The following EYA2 variants were observed in gnomAD, a reference collection of about 807,000 sequenced individuals.
EYA2 encodes protein phosphatase EYA2.
A neutral mutation model predicts 69.2 loss-of-function variants in EYA2; 31 were observed. That is an observed-to-expected ratio of 0.45 (90% CI 0.34 to 0.60). The LOEUF is 0.60. Ranked by LOEUF, EYA2 falls within the 20% of genes least tolerant of loss-of-function variation. The pLI, the probability that EYA2 is intolerant of heterozygous loss-of-function variation, is 0.02. For synonymous variants in EYA2, 257 were observed against 279.4 expected (o/e 0.92, Z 0.80); for missense variants, 622 against 701.2 (o/e 0.89, Z 1.28).
intron 1 of EYA2, among the ~76,000 whole-genome samples, chr20:46,957,529 TCACACACACACA>T (rs74176892): frequency 3.5e-4 from 7 of 20,000 alleles, no homozygotes; most frequent in African/African-American, 8.3e-4. Context: ...GAAGGAGATT[TCACACACACACA>T]CACACACACA....
At chr20:47,165,771 C>T (rs1458859592) in intron 10 of EYA2, among the ~76,000 whole-genome samples, 1 of 152,144 alleles carries the variant, frequency 6.6e-6, no homozygotes, top group Non-Finnish European at 1.5e-5. Flanking sequence ...GACCAGCAGC[C>T]ACACTACCCC....
intron 5 of EYA2, among the ~76,000 whole-genome samples, chr20:47,069,557 A>G (rs2031236061): frequency 6.6e-6 from 1 of 152,200 alleles, no homozygotes; most frequent in Admixed American, 6.6e-5. Context: ...TAGATAAATC[A>G]GTGAAACAGA....
chr20:47,158,571 G>A (rs528651745), intron 10 of EYA2, among the ~76,000 whole-genome samples: 8 of 151,546 alleles, frequency 5.3e-5, no homozygotes, highest in African/African-American at 9.7e-5. Flanking sequence ...GCCCAGGAAC[G>A]ATGACACCCT....
chr20:46,925,755 T>C (rs915752075), intron 1 of EYA2, among the ~76,000 whole-genome samples: 1 of 152,236 alleles, frequency 6.6e-6, no homozygotes, highest in South Asian at 2.1e-4. Flanking sequence ...GAGGGCAGAT[T>C]GGCGTGGCCC....
Position 46,987,960 on chromosome 20 carries a change from CTCTCTATATATA to C in EYA2, c.-10-2039_-10-2028del, listed in dbSNP as rs1337947599. On this transcript the variant is annotated intron_variant, in intron 1 of 15. Coordinates refer to ENST00000327619, the MANE Select transcript of EYA2 (RefSeq NM_005244.5). ...TCTCTCTCTCTCTCTCTCTCTCTCT[CTCTCTATATATA>C]TATATATATATATATATATATATAT... is the stretch of plus-strand genomic sequence containing the variant. 4.2e-4 allele frequency among the ~76,000 whole-genome samples: 10 copies of C among 24,082 alleles called. No individual in the cohort carries two copies. The East Asian group carries it at 7.2e-3, about 17-fold the overall frequency. The allele number at this position is 24,082 out of a possible 152,430, so 15.8% of individuals were successfully genotyped here. A position where few individuals can be genotyped will look rare whatever the true frequency, so the allele number is the denominator to read the frequency against.
chr20:47,170,832 A>T (rs1196887769), intron 11 of EYA2, among the ~76,000 whole-genome samples: 2 of 152,212 alleles, frequency 1.3e-5, no homozygotes, highest in Non-Finnish European at 1.5e-5. Flanking sequence ...TGGTTACGGG[A>T]TCAGTCATTG....
intron 5 of EYA2, among the ~76,000 whole-genome samples, chr20:47,064,865 C>CA (rs1404296527): frequency 3.5e-4 from 54 of 152,180 alleles, no homozygotes; most frequent in Admixed American, 2.0e-3. Flanking sequence ...AGATGCTGTT[C>CA]ACTGGGGCAC....
chr20:46,961,700 A>T (rs551887751), intron 1 of EYA2, among the ~76,000 whole-genome samples: 2 of 152,244 alleles, frequency 1.3e-5, no homozygotes, highest in African/African-American at 4.8e-5. Flanking sequence ...ATAAAAAGGA[A>T]CAAATCCTGC....
At chr20:46,921,713 G>A (rs533834514) in intron 1 of EYA2, among the ~76,000 whole-genome samples, 1 of 152,316 alleles carries the variant, frequency 6.6e-6, no homozygotes, top group African/African-American at 2.4e-5. Flanking sequence ...GAAACTAAAG[G>A]CAACTCAAAG....
chr20:46,918,466 G>A (rs559702884), intron 1 of EYA2, among the ~76,000 whole-genome samples: 5 of 152,024 alleles, frequency 3.3e-5, no homozygotes, highest in East Asian at 2.0e-4. Context: ...ATGTCACCAC[G>A]CCCGGCTATT....
At chr20:47,021,640 AAAAAG>A (rs922968411) in intron 5 of EYA2, among the ~76,000 whole-genome samples, 5 of 151,546 alleles carry the variant, frequency 3.3e-5, no homozygotes, top group Non-Finnish European at 7.4e-5. Context: ...AAAAAAAAAA[AAAAAG>A]GCAAGAAAAC....
At chr20:47,037,303 A>G (rs1035522611) in intron 5 of EYA2, among the ~76,000 whole-genome samples, 1 of 152,186 alleles carries the variant, frequency 6.6e-6, no homozygotes, top group Non-Finnish European at 1.5e-5. Flanking sequence ...AAGCCTAACC[A>G]TATCAGTGGG....
rs182874197 is a variant in EYA2 at position 47,000,716 on chromosome 20, T to C, written c.110-712T>C. On this transcript the variant is annotated intron_variant, in intron 2 of 15. Coordinates refer to ENST00000327619, the MANE Select transcript of EYA2 (RefSeq NM_005244.5). Reference sequence around the variant, plus strand: ...CCTGCATATCGCCTCCCATCAATGATTGGACATTGTGTGCTGAGTGATTGG... The same window carrying C: ...CCTGCATATCGCCTCCCATCAATGACTGGACATTGTGTGCTGAGTGATTGG... Among the ~76,000 whole-genome samples, 72 of 152,282 alleles carry C rather than the reference T, an allele frequency of 4.7e-4. 1 individual carries two copies. The highest frequency in any genetic ancestry group is 1.7e-3 in the African/African-American group (69 of 41,556).
intron 1 of EYA2, among the ~76,000 whole-genome samples, chr20:46,902,731 C>T (rs1247966882): frequency 1.3e-5 from 2 of 152,174 alleles, no homozygotes; most frequent in Admixed American, 6.5e-5. Context: ...TGAATCTGCC[C>T]TTGTAGAAAT....
intron 1 of EYA2, among the ~76,000 whole-genome samples, chr20:46,957,969 TC>T (rs1156395490): frequency 6.6e-6 from 1 of 152,154 alleles, no homozygotes; most frequent in African/African-American, 2.4e-5. Context: ...GGTCATGAGC[TC>T]TACCATCCAC....
intron 5 of EYA2, among the ~76,000 whole-genome samples, chr20:47,070,596 T>C (rs1304188639): frequency 6.6e-6 from 1 of 152,244 alleles, no homozygotes. Context: ...ATGTGAATGC[T>C]TATATTGCAT....
rs539840323 is a variant in EYA2, at chr20:47,024,251, G to T, written c.415+7954G>T. On this transcript the variant is annotated intron_variant, in intron 5 of 15. Coordinates refer to ENST00000327619, the MANE Select transcript of EYA2 (RefSeq NM_005244.5). ...GATGCAGTTAGGTTACTTAGAAACT[G>T]TTGAATGCTTTTGAGTCTTGCTTTC... Among the ~76,000 whole-genome samples, 4 of 152,322 alleles carry T rather than the reference G, an allele frequency of 2.6e-5. No individual in the cohort carries two copies. In the South Asian group the frequency reaches 8.3e-4, roughly 32 times the overall value.
intron 1 of EYA2, among the ~76,000 whole-genome samples, chr20:46,986,403 G>A (rs3091682): frequency 2.2e-4 from 30 of 134,788 alleles, no homozygotes; most frequent in South Asian, 9.3e-4. Flanking sequence ...ATAATATATA[G>A]ATCTATATAA....
At chr20:47,164,666 T>TA (rs1194136032) in intron 10 of EYA2, among the ~76,000 whole-genome samples, 1 of 152,108 alleles carries the variant, frequency 6.6e-6, no homozygotes, top group East Asian at 1.9e-4. Flanking sequence ...CTCACATGCC[T>TA]AGGGGGGTCA....
Sources: gnomAD v4.1 joint callset for allele counts (sites outside exome capture counted in the v4.1 genomes callset) on GRCh38, gnomAD v4.1.1 for gene constraint, MANE v1.5 for transcripts, NCBI Gene and HGNC (gene_info 2026-07-23, HGNC 2026-07-21) for gene names.